Variants in SSPN observed in about 807,000 individuals in gnomAD.
SSPN encodes sarcospan.
A neutral mutation model predicts 19.1 loss-of-function variants in SSPN; 15 were observed. That is an observed-to-expected ratio of 0.78 (90% CI 0.52 to 1.21). The LOEUF is 1.21. Among genes scored for constraint, SSPN ranks in the 50% most tolerant of loss-of-function variants. The pLI, the probability that SSPN is intolerant of heterozygous loss-of-function variation, is 0.00. For missense variants in SSPN, 291 were observed against 314.0 expected (o/e 0.93, Z 0.55); for synonymous variants, 147 against 140.3 (o/e 1.05, Z -0.34).
At position 26,231,673 on chromosome 12, in the gene SSPN, G is replaced by A. The variant is rs112120454; in HGVS notation, c.*597G>A. 26 of 155,462 alleles carry A rather than the reference G, an allele frequency of 1.7e-4. No individual in the cohort carries two copies. The highest frequency in any genetic ancestry group is 2.8e-4 in the Non-Finnish European group (20 of 70,892). 9.6% of individuals were successfully genotyped at this position (155,462 alleles called of 1,614,324 possible). A position where few individuals can be genotyped will look rare whatever the true frequency, so the allele number is the denominator to read the frequency against. ...TAACTAACAACACCTGGGTTGGGGC[G>A]GCGGCCTCTTCTCTTCAGCTCCCTT... is the stretch of plus-strand genomic sequence containing the variant. On this transcript the variant is annotated 3_prime_UTR_variant, in exon 3 of 3. Transcript: ENST00000242729.
chr12:26,222,169 C>T, intron 1 of SSPN, among the ~76,000 whole-genome samples: 1 of 152,152 alleles, frequency 6.6e-6, no homozygotes, highest in East Asian at 1.9e-4. Flanking sequence ...TGTTTTAATG[C>T]TGTGTCTCTC....
At chr12:26,150,424 G>C (rs1479989390) in intron 1 of SSPN, among the ~76,000 whole-genome samples, 1 of 151,990 alleles carries the variant, frequency 6.6e-6, no homozygotes, top group African/African-American at 2.4e-5. Context: ...GCTATAAACT[G>C]GTTTAATTAT....
chr12:26,147,342 G>T (rs1252620373), intron 1 of SSPN, among the ~76,000 whole-genome samples: 1 of 147,276 alleles, frequency 6.8e-6, no homozygotes, highest in Non-Finnish European at 1.5e-5. Context: ...GCATGATCTT[G>T]GCTCACTGCA....
chr12:26,149,668 A>G (rs1030396572), intron 1 of SSPN, among the ~76,000 whole-genome samples: 5 of 152,250 alleles, frequency 3.3e-5, no homozygotes, highest in Admixed American at 2.6e-4. Context: ...GTTGCCTGCT[A>G]TCCACAACAG....
In SSPN at chr12:26,214,028, T is replaced by C. The variant is rs117979412; in HGVS notation, c.280-10265T>C. ...GATTTCTAAGTTGTGACTGAGTGCT[T>C]ATATTTACATCTGTTATTCATTTTC... On this transcript the variant is annotated intron_variant, in intron 1 of 2. Coordinates refer to ENST00000242729, the MANE Select transcript of SSPN (RefSeq NM_005086.5). Among the ~76,000 whole-genome samples the C allele has an allele frequency of 1.7e-3, 263 of 152,290 alleles. 2 individuals carry two copies. Among genetic ancestry groups the C allele is most frequent in the Middle Eastern group, 3.4e-3 (1 of 294 alleles).
intron 1 of SSPN, among the ~76,000 whole-genome samples, chr12:26,220,832 T>C (rs1271232605): frequency 6.6e-6 from 1 of 152,158 alleles, no homozygotes; most frequent in Non-Finnish European, 1.5e-5. Context: ...CCTTAATCAG[T>C]CTTCAAAGCC....
chr12:26,170,647 G>T (rs1395976551), intron 1 of SSPN, among the ~76,000 whole-genome samples: 2 of 152,172 alleles, frequency 1.3e-5, no homozygotes, highest in South Asian at 2.1e-4. Flanking sequence ...TTTCCCTGTG[G>T]TATATGATTT....
chr12:26,136,453 G>A (rs962132487), intron 1 of SSPN, among the ~76,000 whole-genome samples: 1 of 152,188 alleles, frequency 6.6e-6, no homozygotes, highest in Non-Finnish European at 1.5e-5. Flanking sequence ...TATCTCAAAT[G>A]TAACTACAGA....
chr12:26,226,895 G>A (rs1945182247), intron 2 of SSPN, among the ~76,000 whole-genome samples: 2 of 152,102 alleles, frequency 1.3e-5, no homozygotes, highest in Admixed American at 1.3e-4. Context: ...TCCTCCCGAG[G>A]TCACCGAACG....
intron 2 of SSPN, 103 bp from the exon 3 acceptor site, chr12:26,230,608 A>G: frequency 7.2e-7 from 1 of 1,387,064 alleles, no homozygotes; most frequent in East Asian, 2.4e-5. Context: ...CCATCAGAAA[A>G]TTTCTGGGAG....
At chr12:26,149,966 C>T (rs947207898) in intron 1 of SSPN, among the ~76,000 whole-genome samples, 9 of 152,106 alleles carry the variant, frequency 5.9e-5, no homozygotes, top group East Asian at 1.9e-4. Flanking sequence ...CACATATACT[C>T]GCAAGGTCAA....
Position 26,195,643 on chromosome 12 carries a change from A to ACACCCCCCC in SSPN, c.-29_-28insACCCCCCCC. On this transcript the variant is annotated 5_prime_UTR_variant, in exon 1 of 3. Coordinates refer to ENST00000242729, the MANE Select transcript of SSPN (RefSeq NM_005086.5). Reference sequence around the variant, plus strand: ...CCAGGGCCCAGGGCGCCGCACACGCACCCACCCACCCACCCAGCCTCGCAG... The same window carrying ACACCCCCCC: ...CCAGGGCCCAGGGCGCCGCACACGCACACCCCCCCCCCACCCACCCACCCAGCCTCGCAG... The ACACCCCCCC allele has an allele frequency of 8.7e-5, 21 of 242,024 alleles. No homozygotes were observed. Among genetic ancestry groups the ACACCCCCCC allele is most frequent in the South Asian group, 3.2e-4 (5 of 15,712 alleles). The allele number at this position is 242,024 out of a possible 1,614,324, so 15.0% of individuals were successfully genotyped here. A position where few individuals can be genotyped will look rare whatever the true frequency, so the allele number is the denominator to read the frequency against.
chr12:26,159,195 G>A lies in SSPN; in HGVS notation c.-31+37043G>A, dbSNP rs60372996. On this transcript the variant is annotated intron_variant, in intron 1 of 2. Coordinates refer to the SSPN transcript ENST00000538142. ...TTGTGACAGATTGACAGAGGGTGAA[G>A]GGCTGAGAGGTGTGACCCTGCTGGG... Among the ~76,000 whole-genome samples, 739 of 152,326 alleles carry A rather than the reference G, an allele frequency of 4.9e-3. 7 individuals are homozygous for A. The highest frequency in any genetic ancestry group is 0.017 in the African/African-American group (704 of 41,574).
intron 1 of SSPN, among the ~76,000 whole-genome samples, chr12:26,136,305 G>A (rs1944424659): frequency 6.6e-6 from 1 of 152,166 alleles, no homozygotes; most frequent in Non-Finnish European, 1.5e-5. Flanking sequence ...GATACCAAGG[G>A]ATAAGTGTGT....
chr12:26,122,330 C>T, intron 1 of SSPN: 1 of 1,171,680 alleles, frequency 8.5e-7, no homozygotes. Flanking sequence ...CGGCTGCCGC[C>T]GGGGCGGGGA....
chr12:26,169,978 T>C (rs1478129248), intron 1 of SSPN, among the ~76,000 whole-genome samples: 1 of 152,092 alleles, frequency 6.6e-6, no homozygotes, highest in Non-Finnish European at 1.5e-5. Flanking sequence ...AAATTCCCTA[T>C]TGAGGGGTTC....
intron 1 of SSPN, among the ~76,000 whole-genome samples, chr12:26,171,674 G>A (rs1944654505): frequency 6.6e-6 from 1 of 151,462 alleles, no homozygotes; most frequent in African/African-American, 2.4e-5. Flanking sequence ...AAGTATTTAT[G>A]TGGGTTTATA....
At chr12:26,173,543 T>G (rs1417369608) in intron 1 of SSPN, among the ~76,000 whole-genome samples, 1 of 152,242 alleles carries the variant, frequency 6.6e-6, no homozygotes, top group Non-Finnish European at 1.5e-5. Flanking sequence ...TGCTGATATC[T>G]TCTTTGCTTT....
chr12:26,123,086 C>T (rs746947178), intron 1 of SSPN: 2 of 1,604,120 alleles, frequency 1.2e-6, no homozygotes, highest in Non-Finnish European at 1.7e-6. Context: ...AGAGGTATTG[C>T]AAGACTTCTT....
Sources: allele counts gnomAD v4.1 joint callset (sites outside exome capture counted in the v4.1 genomes callset), GRCh38; gene constraint gnomAD v4.1.1; transcripts MANE v1.5; gene names NCBI Gene and HGNC (gene_info 2026-07-23, HGNC 2026-07-21).